The following VTA1 variants were observed in gnomAD, a reference collection of about 807,000 sequenced individuals.
VTA1 encodes vacuolar protein sorting-associated protein VTA1 homolog.
A neutral mutation model predicts 36.9 loss-of-function variants in VTA1; 24 were observed. The observed-to-expected ratio is 0.65, with a 90% CI of 0.47 to 0.91. The LOEUF (loss-of-function observed/expected upper bound fraction) is 0.91. VTA1 is among the 40% of genes least tolerant of loss of function. The pLI is 0.00. For missense variants in VTA1, 393 were observed against 377.2 expected, an observed-to-expected ratio of 1.04 and a Z score of -0.35; for synonymous variants, 142 against 130.2, an observed-to-expected ratio of 1.09 and a Z score of -0.62.
Position 142,224,406 on chromosome 6 carries a change from A to G in VTA1, c.*5763A>G, listed in dbSNP as rs1302676262. 1.3e-5 allele frequency: 2 copies of G among 152,346 alleles called. No individual in the cohort carries two copies. Among genetic ancestry groups the G allele is most frequent in the South Asian group, 2.1e-4 (1 of 4,824 alleles). 9.4% of individuals were successfully genotyped at this position (152,346 alleles called of 1,614,324 possible). A position where few individuals can be genotyped will look rare whatever the true frequency, so the allele number is the denominator to read the frequency against. On this transcript the variant is annotated 3_prime_UTR_variant, in exon 8 of 8. Coordinates refer to ENST00000367630, the MANE Select transcript of VTA1 (RefSeq NM_016485.5). Reference sequence around the variant, plus strand: ...CATGCTTATATATTTTCTGTATACAATGCTTTCTGTATAAAACCAGTAATA... The same window carrying G: ...CATGCTTATATATTTTCTGTATACAGTGCTTTCTGTATAAAACCAGTAATA...
chr6:142,199,245 A>G (rs1775630819), intron 6 of VTA1, among the ~76,000 whole-genome samples: 1 of 152,154 alleles, frequency 6.6e-6, no homozygotes, highest in Non-Finnish European at 1.5e-5. Context: ...AAATCTGACA[A>G]AGTTAGTCCT....
At chr6:142,212,754 A>G (rs1031383435) in intron 7 of VTA1, among the ~76,000 whole-genome samples, 3 of 152,186 alleles carry the variant, frequency 2.0e-5, no homozygotes, top group Non-Finnish European at 4.4e-5. Context: ...TCTTCCTCAC[A>G]TGGCAGCAGG....
chr6:142,189,623 G>A, intron 5 of VTA1, 89 bp downstream of exon 5: 1 of 996,818 alleles, frequency 1.0e-6, no homozygotes, highest in Non-Finnish European at 1.5e-6. Context: ...GAACAATACA[G>A]TTTTGTTTTC....
At chr6:142,184,645 A>G (rs545806538) in intron 4 of VTA1, among the ~76,000 whole-genome samples, 9 of 152,320 alleles carry the variant, frequency 5.9e-5, no homozygotes, top group African/African-American at 1.7e-4. Context: ...ATGTTAGATA[A>G]GAGAGAATAG....
At chr6:142,154,951 G>T (rs1778635807) in intron 1 of VTA1, among the ~76,000 whole-genome samples, 1 of 151,858 alleles carries the variant, frequency 6.6e-6, no homozygotes, top group South Asian at 2.1e-4. Flanking sequence ...CAGATTTACC[G>T]CTTTCTTTAG....
At chr6:142,181,116 T>C (rs9496290) in intron 4 of VTA1, among the ~76,000 whole-genome samples, 1,210 of 86,986 alleles carry the variant, frequency 0.014, 33 homozygotes, top group African/African-American at 0.045. Flanking sequence ...TATATATATA[T>C]ACACACACAC....
chr6:142,212,631 A>G (rs1485066998), intron 7 of VTA1, among the ~76,000 whole-genome samples: 1 of 152,208 alleles, frequency 6.6e-6, no homozygotes, highest in African/African-American at 2.4e-5. Context: ...AGACTGGGTA[A>G]TGTATGAAGA....
At chr6:142,198,115 A>ATGTGTGTGTGTG (rs1259650162) in intron 5 of VTA1, among the ~76,000 whole-genome samples, 17 of 76,540 alleles carry the variant, frequency 2.2e-4, no homozygotes, top group East Asian at 6.7e-4. Context: ...ATATATATAT[A>ATGTGTGTGTGTG]TATATGTGTG....
Position 142,177,478 on chromosome 6 carries a change from G to C in VTA1, c.411+7057G>C, listed in dbSNP as rs566360207. Among the ~76,000 whole-genome samples, 48 of 148,102 alleles carry C rather than the reference G, an allele frequency of 3.2e-4. 1 individual carries two copies. Among genetic ancestry groups the C allele is most frequent in the African/African-American group, 1.9e-4 (7 of 37,560 alleles). On this transcript the variant is annotated intron_variant, in intron 4 of 7. Transcript: ENST00000367630. ...AAGCCTTTAGCAAAGTGCCTAGCATGTAAGTGCTTTAAAAAAATTGGCTCT... is the reference window on the plus strand; with the variant it reads ...AAGCCTTTAGCAAAGTGCCTAGCATCTAAGTGCTTTAAAAAAATTGGCTCT...
chr6:142,195,595 C>CTTT (rs72442499), intron 5 of VTA1, among the ~76,000 whole-genome samples: 1 of 70,708 alleles, frequency 1.4e-5, no homozygotes, highest in Non-Finnish European at 2.8e-5. Flanking sequence ...GTTTAATTTG[C>CTTT]TTTTTTTTTT....
chr6:142,186,854 A>G (rs975661645), intron 4 of VTA1, among the ~76,000 whole-genome samples: 1 of 152,064 alleles, frequency 6.6e-6, no homozygotes, highest in South Asian at 2.1e-4. Context: ...CAGGATCATG[A>G]TGTTTGTATG....
chr6:142,181,804 G>C (rs1466173662), intron 4 of VTA1, among the ~76,000 whole-genome samples: 1 of 151,952 alleles, frequency 6.6e-6, no homozygotes, highest in Non-Finnish European at 1.5e-5. Context: ...GATTTGGGGG[G>C]TATAGTTTTA....
chr6:142,218,934 A>G lies in VTA1; in HGVS notation c.*291A>G. ...AAAAATGAAAACACACCTCTATAAA[A>G]TGTGTACTGGGAATAAGCTTTGTAT... On this transcript the variant is annotated 3_prime_UTR_variant, in exon 8 of 8. Transcript: ENST00000367630. 4.7e-6 allele frequency: 1 copy of G among 211,104 alleles called. No individual in the cohort carries two copies. The highest frequency in any genetic ancestry group is 9.1e-6 in the Non-Finnish European group (1 of 109,356). The allele number at this position is 211,104 out of a possible 1,614,324, so 13.1% of individuals were successfully genotyped here.
At chr6:142,195,014 T>C (rs923337803) in intron 5 of VTA1, among the ~76,000 whole-genome samples, 4 of 152,164 alleles carry the variant, frequency 2.6e-5, no homozygotes, top group Admixed American at 2.6e-4. Context: ...CCTTGTATTA[T>C]ATGGCTGATT....
At chr6:142,169,944 A>AG (rs1320257800) in intron 3 of VTA1, among the ~76,000 whole-genome samples, 1 of 152,112 alleles carries the variant, frequency 6.6e-6, no homozygotes, top group Non-Finnish European at 1.5e-5. Flanking sequence ...GTAAAATCTG[A>AG]GTTGATTTTA....
chr6:142,207,119 T>TC (rs1775809761), intron 7 of VTA1, among the ~76,000 whole-genome samples: 2 of 152,108 alleles, frequency 1.3e-5, no homozygotes, highest in Admixed American at 1.3e-4. Context: ...ATGAAATAGT[T>TC]CCTGGGGCCA....
intron 7 of VTA1, among the ~76,000 whole-genome samples, chr6:142,214,887 A>G (rs1047947713): frequency 6.6e-6 from 1 of 152,160 alleles, no homozygotes; most frequent in African/African-American, 2.4e-5. Flanking sequence ...ATTTATAACC[A>G]CTGTCACTAC....
intron 1 of VTA1, among the ~76,000 whole-genome samples, chr6:142,153,601 AGTTG>A (rs1463892458): frequency 6.6e-6 from 1 of 151,968 alleles, no homozygotes; most frequent in Non-Finnish European, 1.5e-5. Context: ...TACATTTCGA[AGTTG>A]GTTGGTCTTT....
At chr6:142,184,762 G>C (rs1775308241) in intron 4 of VTA1, among the ~76,000 whole-genome samples, 1 of 152,144 alleles carries the variant, frequency 6.6e-6, no homozygotes, top group South Asian at 2.1e-4. Context: ...AGATTAAACT[G>C]TATTTACATT....
Sources: allele counts gnomAD v4.1 joint callset (sites outside exome capture counted in the v4.1 genomes callset), GRCh38; gene constraint gnomAD v4.1.1; transcripts MANE v1.5; gene names NCBI Gene and HGNC (gene_info 2026-07-23, HGNC 2026-07-21).